The following PTPRM variants were observed in gnomAD, a reference collection of about 807,000 sequenced individuals.
PTPRM encodes receptor-type tyrosine-protein phosphatase mu.
In PTPRM, 47 loss-of-function variants were observed where a neutral mutation model predicts 186.7. The ratio of observed to expected loss-of-function variants is 0.25; its 90% confidence interval spans 0.20 to 0.32. PTPRM has a LOEUF of 0.32. Among genes scored for constraint, PTPRM ranks in the 10% least tolerant of loss-of-function variants. The pLI is 1.00. For missense variants in PTPRM, 1,494 were observed against 1,865.0 expected (o/e 0.80, Z 3.66); for synonymous variants, 668 against 674.9 (o/e 0.99, Z 0.16).
In PTPRM at chr18:8,406,420, T is replaced by G. The variant is rs2095906648; in HGVS notation, c.*258T>G. The stretch of plus-strand genomic sequence containing the variant: ...TTGCCACCGGCTTCCTAGAGCAGCG[T>G]AGACAGCTGGTAAACTGAAGAGCAC... On this transcript the variant is annotated 3_prime_UTR_variant, in exon 33 of 33. Coordinates refer to ENST00000580170, the MANE Select transcript of PTPRM (RefSeq NM_001105244.2). 1.0e-5 allele frequency: 5 copies of G among 479,650 alleles called. No homozygotes were observed. Among genetic ancestry groups the G allele is most frequent in the Non-Finnish European group, 7.4e-6 (2 of 269,884 alleles). The allele number at this position is 479,650 out of a possible 1,614,324, so 29.7% of individuals were successfully genotyped here.
At chr18:7,990,867 G>A (rs1014964915) in intron 7 of PTPRM, among the ~76,000 whole-genome samples, 15 of 152,190 alleles carry the variant, frequency 9.9e-5, no homozygotes, top group African/African-American at 3.6e-4. Context: ...CAGGAAGCTT[G>A]TCTCAGTGTG....
intron 2 of PTPRM, among the ~76,000 whole-genome samples, chr18:7,870,662 T>A (rs1323237526): frequency 6.6e-6 from 1 of 152,220 alleles, no homozygotes; most frequent in African/African-American, 2.4e-5. Context: ...AAAAATCTGA[T>A]AGACAATTTT....
intron 23 of PTPRM, among the ~76,000 whole-genome samples, chr18:8,364,318 C>T (rs1299380847): frequency 6.6e-6 from 1 of 152,100 alleles, no homozygotes; most frequent in Non-Finnish European, 1.5e-5. Context: ...GGGTGGAAGT[C>T]ATGGAAGTCA....
intron 11 of PTPRM, among the ~76,000 whole-genome samples, chr18:8,112,633 C>A (rs923814134): frequency 6.6e-6 from 1 of 152,208 alleles, no homozygotes. Flanking sequence ...AAACAACATT[C>A]ATCACTCTGG....
At chr18:8,257,731 G>C in intron 19 of PTPRM, among the ~76,000 whole-genome samples, 1 of 152,140 alleles carries the variant, frequency 6.6e-6, no homozygotes, top group South Asian at 2.1e-4. Flanking sequence ...GGCCTTTCTG[G>C]TCTTCTTCAA....
chr18:7,624,633 A>T (rs1207085883), intron 1 of PTPRM, among the ~76,000 whole-genome samples: 2 of 152,110 alleles, frequency 1.3e-5, no homozygotes, highest in East Asian at 3.9e-4. Context: ...GTGCTGCCAC[A>T]TTCAGCTAAT....
intron 22 of PTPRM, among the ~76,000 whole-genome samples, chr18:8,322,719 G>A (rs922681868): frequency 1.3e-5 from 2 of 152,200 alleles, no homozygotes; most frequent in Non-Finnish European, 2.9e-5. Context: ...TATGTGGCCT[G>A]CAAGCTGGAT....
intron 1 of PTPRM, among the ~76,000 whole-genome samples, chr18:7,758,821 C>G (rs1474112570): frequency 6.6e-6 from 1 of 152,180 alleles, no homozygotes; most frequent in East Asian, 1.9e-4. Flanking sequence ...TTTTTACTCA[C>G]TCCCAACCCC....
intron 7 of PTPRM, among the ~76,000 whole-genome samples, chr18:8,025,023 A>G (rs544306341): frequency 4.9e-4 from 75 of 152,240 alleles, no homozygotes; most frequent in African/African-American, 1.7e-3. Flanking sequence ...CTTACTTTAT[A>G]TGCAGAACTA....
intron 1 of PTPRM, among the ~76,000 whole-genome samples, chr18:7,767,328 A>G (rs1351806333): frequency 1.3e-5 from 2 of 152,242 alleles, no homozygotes; most frequent in Admixed American, 1.3e-4. Flanking sequence ...TTTGGTTTTT[A>G]AAGTGTACAG....
intron 9 of PTPRM, among the ~76,000 whole-genome samples, chr18:8,077,631 T>C (rs1421630258): frequency 6.6e-6 from 1 of 152,230 alleles, no homozygotes; most frequent in East Asian, 1.9e-4. Context: ...CAAGTTCATA[T>C]TATTTTTTCT....
chr18:7,978,815 C>T (rs1419115235), intron 7 of PTPRM, among the ~76,000 whole-genome samples: 3 of 152,130 alleles, frequency 2.0e-5, no homozygotes, highest in South Asian at 2.1e-4. Context: ...TCTGTGAGCA[C>T]GTGACAGAGT....
intron 20 of PTPRM, among the ~76,000 whole-genome samples, chr18:8,306,644 T>G (rs1465168485): frequency 6.6e-6 from 1 of 152,230 alleles, no homozygotes; most frequent in Non-Finnish European, 1.5e-5. Context: ...TCTACAGATC[T>G]TATGCCTAGG....
intron 11 of PTPRM, among the ~76,000 whole-genome samples, chr18:8,090,170 C>T (rs903033709): frequency 2.0e-5 from 3 of 152,148 alleles, no homozygotes; most frequent in African/African-American, 4.8e-5. Flanking sequence ...ACCCAAGGCA[C>T]GCATTAGATG....
intron 21 of PTPRM, among the ~76,000 whole-genome samples, chr18:8,315,719 A>C (rs1414010093): frequency 1.3e-5 from 2 of 152,200 alleles, no homozygotes; most frequent in Non-Finnish European, 2.9e-5. Context: ...TCTTGATTGA[A>C]TATTACTGAG....
intron 14 of PTPRM, among the ~76,000 whole-genome samples, chr18:8,147,285 G>T (rs2092908098): frequency 6.6e-6 from 1 of 152,184 alleles, no homozygotes; most frequent in Non-Finnish European, 1.5e-5. Flanking sequence ...CATGAGCATA[G>T]AATGTTTTTC....
Position 8,208,881 on chromosome 18 carries a change from T to G in PTPRM, c.2301-35177T>G, listed in dbSNP as rs1418001265. Reference sequence around the variant, plus strand: ...CATGAAGACATCAGGGGAAAGAAATTCGAGGCAGAGGGAGCAGACAGCAGT... The same window carrying G: ...CATGAAGACATCAGGGGAAAGAAATGCGAGGCAGAGGGAGCAGACAGCAGT... On this transcript the variant is annotated intron_variant, in intron 14 of 32. Coordinates refer to ENST00000580170, the MANE Select transcript of PTPRM (RefSeq NM_001105244.2). 3.3e-5 allele frequency among the ~76,000 whole-genome samples: 5 copies of G among 152,188 alleles called. No homozygotes were observed. The Middle Eastern group carries it at 0.014, about 417-fold the overall frequency.
intron 1 of PTPRM, among the ~76,000 whole-genome samples, chr18:7,624,493 C>T (rs2038012441): frequency 6.8e-6 from 1 of 147,020 alleles, no homozygotes; most frequent in African/African-American, 2.5e-5. Flanking sequence ...TCAGATTCTG[C>T]TTTTTTTTTT....
At chr18:8,029,709 G>T (rs751934725) in intron 7 of PTPRM, among the ~76,000 whole-genome samples, 1 of 152,194 alleles carries the variant, frequency 6.6e-6, no homozygotes, top group Non-Finnish European at 1.5e-5. Flanking sequence ...CTCCTCGAGA[G>T]TAGAGATTGT....
Sources: gnomAD v4.1 joint callset for allele counts (sites outside exome capture counted in the v4.1 genomes callset) on GRCh38, gnomAD v4.1.1 for gene constraint, MANE v1.5 for transcripts, NCBI Gene and HGNC (gene_info 2026-07-23, HGNC 2026-07-21) for gene names.